SEZ6L: variants seen among roughly 807,000 people sequenced by gnomAD.
SEZ6L encodes seizure related 6 homolog like.
A neutral mutation model predicts 106.2 loss-of-function variants in SEZ6L; 37 were observed. The observed-to-expected ratio is 0.35, with a 90% CI of 0.27 to 0.46. The LOEUF is 0.46. SEZ6L is among the 20% of genes least tolerant of loss of function. SEZ6L has a pLI of 1.00. For synonymous variants in SEZ6L, 541 were observed against 570.4 expected (o/e 0.95, Z 0.73); for missense variants, 1,172 against 1,332.8 (o/e 0.88, Z 1.88).
chr22:26,278,291 T>C (rs2145852768), intron 1 of SEZ6L, among the ~76,000 whole-genome samples: 1 of 152,350 alleles, frequency 6.6e-6, no homozygotes. Flanking sequence ...TATCTTTCTT[T>C]AAAAATTTAA....
intron 3 of SEZ6L, among the ~76,000 whole-genome samples, chr22:26,295,407 A>G (rs1470368225): frequency 6.6e-6 from 1 of 152,196 alleles, no homozygotes; most frequent in Non-Finnish European, 1.5e-5. Context: ...GAGCTGGGGC[A>G]GGTGTATGAC....
Position 26,238,300 on chromosome 22 carries a change from C to T in SEZ6L, c.95-54106C>T, listed in dbSNP as rs553395457. The stretch of plus-strand genomic sequence containing the variant: ...TGTACGGACCCACTGTGAGCCACTA[C>T]GGGGCAAAGCACTCAGGAGGGAAAC... On this transcript the variant is annotated intron_variant, in intron 1 of 16. Transcript: ENST00000248933. Among the ~76,000 whole-genome samples the T allele has an allele frequency of 3.8e-3, 574 of 152,276 alleles. 1 individual carries two copies. Among genetic ancestry groups the T allele is most frequent in the African/African-American group, 0.012 (511 of 41,552 alleles).
intron 6 of SEZ6L, among the ~76,000 whole-genome samples, chr22:26,309,372 C>T (rs181645127): frequency 1.2e-4 from 18 of 152,252 alleles, no homozygotes; most frequent in African/African-American, 3.1e-4. Context: ...TGGGTCAGAA[C>T]GACGTTATGG....
intron 1 of SEZ6L, among the ~76,000 whole-genome samples, chr22:26,220,155 C>T (rs145894983): frequency 3.3e-5 from 5 of 152,216 alleles, no homozygotes; most frequent in Non-Finnish European, 7.4e-5. Flanking sequence ...CCCAGGCAAG[C>T]GGCTCCACCT....
At chr22:26,212,484 G>A (rs544106259) in intron 1 of SEZ6L, among the ~76,000 whole-genome samples, 11 of 152,270 alleles carry the variant, frequency 7.2e-5, no homozygotes, top group Admixed American at 2.0e-4. Flanking sequence ...GGGCAGTGGC[G>A]CCATCATGGC....
intron 15 of SEZ6L, among the ~76,000 whole-genome samples, chr22:26,376,462 C>A (rs62224567): frequency 1.3e-5 from 2 of 152,136 alleles, no homozygotes; most frequent in Non-Finnish European, 2.9e-5. Context: ...CCTATGCAGT[C>A]CAGGCGTGGT....
At chr22:26,273,371 C>T (rs989186373) in intron 1 of SEZ6L, among the ~76,000 whole-genome samples, 4 of 152,244 alleles carry the variant, frequency 2.6e-5, no homozygotes, top group Non-Finnish European at 5.9e-5. Flanking sequence ...ACTCTGAGGA[C>T]CATTAAATTT....
chr22:26,214,694 G>A (rs978062660), intron 1 of SEZ6L, among the ~76,000 whole-genome samples: 10 of 152,250 alleles, frequency 6.6e-5, no homozygotes, highest in East Asian at 5.8e-4. Context: ...GGATTTTGGC[G>A]CCAGTTGGCC....
At chr22:26,370,730 G>GT in intron 13 of SEZ6L, among the ~76,000 whole-genome samples, 1 of 152,048 alleles carries the variant, frequency 6.6e-6, no homozygotes, top group East Asian at 1.9e-4. Flanking sequence ...AAGGCTGGGT[G>GT]TGGTGGCTTA....
intron 1 of SEZ6L, among the ~76,000 whole-genome samples, chr22:26,287,005 C>T (rs2080955347): frequency 6.6e-6 from 1 of 151,642 alleles, no homozygotes. Flanking sequence ...ACCTCAGCCT[C>T]CCAAAGTGCT....
chr22:26,230,263 G>A (rs1002358891), intron 1 of SEZ6L, among the ~76,000 whole-genome samples: 4 of 151,822 alleles, frequency 2.6e-5, no homozygotes, highest in African/African-American at 7.3e-5. Context: ...TACAATTTGG[G>A]AAACTGAGGG....
In SEZ6L at chr22:26,381,957, G is replaced by C; in HGVS notation, c.*1662G>C. 1 of 509,754 alleles carries C rather than the reference G, an allele frequency of 2.0e-6. No homozygotes were observed. The highest frequency in any genetic ancestry group is 1.4e-5 in the South Asian group (1 of 70,030). The allele number at this position is 509,754 out of a possible 1,614,324, so 31.6% of individuals were successfully genotyped here. A position where few individuals can be genotyped will look rare whatever the true frequency, so the allele number is the denominator to read the frequency against. On this transcript the variant is annotated 3_prime_UTR_variant, in exon 17 of 17. Transcript: ENST00000248933. ...AATAGCAGGGAGTCTATGTTTTGGT[G>C]GTTACATTGGAAACATCTTAAGCAA...
chr22:26,232,234 T>C (rs903044657), intron 1 of SEZ6L, among the ~76,000 whole-genome samples: 1 of 152,026 alleles, frequency 6.6e-6, no homozygotes, highest in African/African-American at 2.4e-5. Context: ...GAAAAGTCCT[T>C]ACCCGAAAGG....
intron 1 of SEZ6L, among the ~76,000 whole-genome samples, chr22:26,194,544 C>T (rs1940456109): frequency 6.6e-6 from 1 of 152,082 alleles, no homozygotes; most frequent in South Asian, 2.1e-4. Flanking sequence ...TAATCCTGGC[C>T]GAGCTGATGA....
chr22:26,378,274 CT>C (rs2084298407), intron 16 of SEZ6L, among the ~76,000 whole-genome samples: 1 of 152,296 alleles, frequency 6.6e-6, no homozygotes, highest in African/African-American at 2.4e-5. Flanking sequence ...CTGCTGGGCA[CT>C]TTAAATGCAT....
intron 11 of SEZ6L, 125 bp downstream of exon 11, chr22:26,348,038 C>T: frequency 1.4e-6 from 1 of 704,544 alleles, no homozygotes; most frequent in Non-Finnish European, 2.2e-6. Flanking sequence ...ACCACCAATT[C>T]ACGAGCATTG....
At chr22:26,204,683 CA>C (rs1478915214) in intron 1 of SEZ6L, among the ~76,000 whole-genome samples, 1 of 152,074 alleles carries the variant, frequency 6.6e-6, no homozygotes, top group Admixed American at 6.5e-5. Context: ...TGAGAGTGGA[CA>C]GAGGTGAAGC....
chr22:26,242,543 G>A (rs1206630230), intron 1 of SEZ6L, among the ~76,000 whole-genome samples: 3 of 152,086 alleles, frequency 2.0e-5, no homozygotes, highest in Admixed American at 6.6e-5. Context: ...TAAGAACCAC[G>A]ACTATTGATA....
intron 1 of SEZ6L, among the ~76,000 whole-genome samples, chr22:26,281,374 C>CTTTTTTT (rs769088373): frequency 1.5e-5 from 2 of 130,596 alleles, no homozygotes; most frequent in Non-Finnish European, 3.2e-5. Flanking sequence ...TTCTTTCTTT[C>CTTTTTTT]TTTTTTTTTT....
Sources: gnomAD v4.1 joint callset for allele counts (sites outside exome capture counted in the v4.1 genomes callset) on GRCh38, gnomAD v4.1.1 for gene constraint, MANE v1.5 for transcripts, NCBI Gene and HGNC (gene_info 2026-07-23, HGNC 2026-07-21) for gene names.